YY1AP1: variants seen among roughly 807,000 people sequenced by gnomAD.
YY1AP1 encodes YY1-associated protein 1.
In YY1AP1, 43 loss-of-function variants were observed where a neutral mutation model predicts 39.9. The ratio of observed to expected loss-of-function variants is 1.08; its 90% CI spans 0.84 to 1.39. The LOEUF is 1.39. Among genes scored for constraint, YY1AP1 ranks in the 40% most tolerant of loss-of-function variants. The pLI is 0.00. For missense variants in YY1AP1, 813 were observed against 900.7 expected (o/e 0.90, Z 1.25); for synonymous variants, 292 against 331.3 (o/e 0.88, Z 1.29).
intron 9 of YY1AP1, among the ~76,000 whole-genome samples, chr1:155,662,265 C>G (rs1400139857): frequency 1.3e-5 from 2 of 151,892 alleles, no homozygotes; most frequent in Admixed American, 1.3e-4. Context: ...CTGAGGCGGG[C>G]AGATCACTTG....
intron 2 of YY1AP1, among the ~76,000 whole-genome samples, chr1:155,686,237 C>T (rs1470404349): frequency 6.6e-6 from 1 of 151,578 alleles, no homozygotes; most frequent in African/African-American, 2.4e-5. Flanking sequence ...GGGTTTCATC[C>T]TGTTAGCCAG....
upstream of YY1AP1, chr1:155,688,816 TG>T: frequency 3.2e-6 from 5 of 1,565,408 alleles, no homozygotes; most frequent in Non-Finnish European, 4.3e-6. Context: ...ACCGCGGGAC[TG>T]TTCCATTCCT....
chr1:155,673,685 A>G (rs552893029), intron 6 of YY1AP1, among the ~76,000 whole-genome samples: 1 of 152,140 alleles, frequency 6.6e-6, no homozygotes, highest in East Asian at 1.9e-4. Flanking sequence ...CTGGGACTAC[A>G]GGCACTCGGC....
rs766325845 is a variant in YY1AP1 at position 155,660,640 on chromosome 1, G to C, written c.1270C>G (p.Gln424Glu). 1.9e-6 allele frequency: 3 copies of C among 1,614,080 alleles called. No homozygotes were observed. The African/African-American group carries it at 4.0e-5, about 22-fold the overall frequency. ...PLLIQPSPSL[Q>E]PSFNPGKTPA... ...GTTTTCCCAGGGTTGAAGCTGGGCT[G>C]GAGAGAGGGGCTGGGTTGGATAAGG... is the stretch of plus-strand genomic sequence containing the variant. The change falls in exon 11 of 11, where the codon CAG becomes GAG. Residue 424 changes from glutamine to glutamate, a missense_variant. By Grantham distance (29) the Gln-to-Glu change is conservative. This residue lies in a region of YY1AP1 where 586 missense variants were observed against 647.4 expected (regional missense o/e 0.91). Coordinates refer to ENST00000355499, the MANE Select transcript of YY1AP1 (RefSeq NM_139119.3).
rs745885285 is a variant in YY1AP1, at chr1:155,675,098, T to C, written c.325-2A>G. ...GATTTGTGTCAAGAGCTGAACATGC[T>C]GGGGAGAGAAAGAAAATAATGCAGT... On this transcript the variant is annotated splice_acceptor_variant, in intron 5 of 10. Transcript: ENST00000355499. LOFTEE classifies it high-confidence loss of function. The C allele has an allele frequency of 2.5e-6, 4 of 1,613,190 alleles. No individual in the cohort carries two copies. The highest frequency in any genetic ancestry group is 3.4e-6 in the Non-Finnish European group (4 of 1,179,462).
At chr1:155,670,299 T>A (rs559871468) in intron 8 of YY1AP1, 21 bp downstream of exon 8, 1 of 1,611,846 alleles carries the variant, frequency 6.2e-7, no homozygotes, top group African/African-American at 1.3e-5. Flanking sequence ...GGATATTTGA[T>A]CCCCCAGAGT....
intron 9 of YY1AP1, among the ~76,000 whole-genome samples, chr1:155,665,035 G>T (rs1475498759): frequency 1.3e-5 from 2 of 151,928 alleles, no homozygotes; most frequent in African/African-American, 4.8e-5. Context: ...CTCCCAAAGT[G>T]CTGGGATTAC....
At chr1:155,673,066 T>A (rs2149048277) in intron 6 of YY1AP1, among the ~76,000 whole-genome samples, 1 of 152,334 alleles carries the variant, frequency 6.6e-6, no homozygotes, top group South Asian at 2.1e-4. Flanking sequence ...CCGCTCAGGC[T>A]GGACTGCAGT....
At chr1:155,687,747 C>T (rs1200705126) in intron 2 of YY1AP1, among the ~76,000 whole-genome samples, 1 of 147,298 alleles carries the variant, frequency 6.8e-6, no homozygotes, top group East Asian at 2.0e-4. Flanking sequence ...CTTAATTAAA[C>T]ACACACAAAC....
At chr1:155,671,527 C>G (rs753768683) in intron 7 of YY1AP1, among the ~76,000 whole-genome samples, 1 of 151,942 alleles carries the variant, frequency 6.6e-6, no homozygotes, top group Non-Finnish European at 1.5e-5. Context: ...TCTTAACTTT[C>G]ATTAAGTTCT....
At position 155,666,892 on chromosome 1, in the gene YY1AP1, T is replaced by C. The variant is rs144813835; in HGVS notation, c.879+1735A>G. Among the ~76,000 whole-genome samples the C allele has an allele frequency of 2.0e-5, 3 of 152,172 alleles. No homozygotes were observed. In the East Asian group the frequency reaches 5.8e-4, roughly 29 times the overall value. ...GCGCATGCCTGTAGTCCCAGCTACT[T>C]AGGAGGCTAAGGCATGAAAATTGCT... is the stretch of plus-strand genomic sequence containing the variant. On this transcript the variant is annotated intron_variant, in intron 9 of 10. Coordinates refer to ENST00000355499, the MANE Select transcript of YY1AP1 (RefSeq NM_139119.3).
chr1:155,679,387 T>C, intron 4 of YY1AP1, 22 bp downstream of exon 4: 1 of 1,614,094 alleles, frequency 6.2e-7, no homozygotes, highest in South Asian at 1.1e-5. Context: ...ATTCCAAATC[T>C]CAAGGTCTTC....
chr1:155,665,576 T>G (rs963311838), intron 9 of YY1AP1, among the ~76,000 whole-genome samples: 1 of 151,214 alleles, frequency 6.6e-6, no homozygotes, highest in African/African-American at 2.4e-5. Flanking sequence ...GACTCCAGCC[T>G]GGGCAACAAA....
At position 155,660,177 on chromosome 1, in the gene YY1AP1, T is replaced by C. The variant is rs376401461; in HGVS notation, c.1733A>G (p.Asn578Ser). 6.6e-5 allele frequency: 106 copies of C among 1,614,144 alleles called. No individual in the cohort carries two copies. Among genetic ancestry groups the C allele is most frequent in the African/African-American group, 4.9e-4 (37 of 75,030 alleles). Residue 578 changes from asparagine to serine, a missense_variant, in exon 11 of 11, where the codon AAT (asparagine) becomes AGT (serine). Physicochemically the swap from Asn to Ser is conservative, Grantham distance 46 (BLOSUM62 1). Transcript: ENST00000355499. ...CTGGGGACTCTGGGCCACAGCCGCA[T>C]TGACAGGCTGGATCATGTTACAGCC... ...GGGCNMIQPV[N>S]AAVAQSPQTI...
In YY1AP1 at chr1:155,660,196, T is replaced by A; in HGVS notation, c.1714A>T (p.Asn572Tyr). 1 of 1,614,194 alleles carries A rather than the reference T, an allele frequency of 6.2e-7. No homozygotes were observed. The highest frequency in any genetic ancestry group is 8.5e-7 in the Non-Finnish European group (1 of 1,180,026). Residue 572 changes from asparagine (N) to tyrosine (Y), a missense_variant, in exon 11 of 11, where the codon AAC (asparagine) becomes TAC (tyrosine). Physicochemically the swap from Asn to Tyr is moderately radical, Grantham distance 143. Coordinates refer to ENST00000355499, the MANE Select transcript of YY1AP1 (RefSeq NM_139119.3). ...GCCGCATTGACAGGCTGGATCATGT[T>A]ACAGCCACCGCCAAGGCTCACAATC... Reference protein sequence around the residue: ...VKIVSLGGGCNMIQPVNAAVA... With the variant: ...VKIVSLGGGCYMIQPVNAAVA...
rs867093476 is a variant in YY1AP1 at position 155,665,256 on chromosome 1, A to T, written c.879+3371T>A. ...AAAAAACTGAGACCCCCCCACCTCA[A>T]TTTTTTAAAATTCAGAAAAAAATTT... On this transcript the variant is annotated intron_variant, in intron 9 of 10. Coordinates refer to ENST00000355499, the MANE Select transcript of YY1AP1 (RefSeq NM_139119.3). 1.4e-3 allele frequency among the ~76,000 whole-genome samples: 208 copies of T among 151,912 alleles called. 2 individuals carry two copies. Among genetic ancestry groups the T allele is most frequent in the African/African-American group, 4.2e-3 (172 of 41,436 alleles).
At chr1:155,688,845 G>C, upstream of YY1AP1, 1 of 1,591,800 alleles carries the variant, frequency 6.3e-7, no homozygotes, top group Non-Finnish European at 8.5e-7. Context: ...GCAGGGGCAG[G>C]AGAGGAAGGG....
chr1:155,685,643 C>T (rs879838056), intron 2 of YY1AP1, among the ~76,000 whole-genome samples: 1 of 152,164 alleles, frequency 6.6e-6, no homozygotes, highest in African/African-American at 2.4e-5. Flanking sequence ...AATATGGATC[C>T]TGTCAACATG....
chr1:155,688,014 A>G, intron 2 of YY1AP1, 57 bp downstream of exon 2: 1 of 1,509,840 alleles, frequency 6.6e-7, no homozygotes, highest in African/African-American at 1.4e-5. Context: ...AAAGCCCAGG[A>G]TTCAATCGCT....
Sources: allele counts gnomAD v4.1 joint callset (sites outside exome capture counted in the v4.1 genomes callset), GRCh38; gene constraint gnomAD v4.1.1; regional missense constraint gnomAD v4.1.1; transcripts MANE v1.5; gene names NCBI Gene and HGNC (gene_info 2026-07-23, HGNC 2026-07-21).